The following ACTN4 variants were observed in gnomAD, a reference collection of about 807,000 sequenced individuals.
The protein encoded by ACTN4 is alpha-actinin-4.
A neutral mutation model predicts 114.2 loss-of-function variants in ACTN4; 18 were observed. The ratio of observed to expected loss-of-function variants is 0.16; its 90% confidence interval spans 0.11 to 0.23. ACTN4 has a LOEUF of 0.23. Among genes scored for constraint, ACTN4 ranks in the 10% least tolerant of loss-of-function variants. The pLI, the probability that ACTN4 is intolerant of heterozygous loss-of-function variation, is 1.00. For missense variants in ACTN4, 722 were observed against 1,262.9 expected (o/e 0.57, Z 6.49); for synonymous variants, 515 against 506.3 (o/e 1.02, Z -0.23).
chr19:38,706,512 C>G (rs965046059), intron 5 of ACTN4, among the ~76,000 whole-genome samples: 1 of 152,218 alleles, frequency 6.6e-6, no homozygotes, highest in Non-Finnish European at 1.5e-5. Flanking sequence ...GGCCTAGGCT[C>G]AAGTGATCCT....
At chr19:38,661,903 C>G (rs892779890) in intron 1 of ACTN4, among the ~76,000 whole-genome samples, 1 of 152,186 alleles carries the variant, frequency 6.6e-6, no homozygotes, top group Non-Finnish European at 1.5e-5. Flanking sequence ...CCGCCCGCCT[C>G]GGCTTCCCAA....
At chr19:38,711,471 C>T (rs566622198) in intron 8 of ACTN4, 29 of 437,950 alleles carry the variant, frequency 6.6e-5, no homozygotes, top group African/African-American at 3.7e-4. Flanking sequence ...GGCCGTGGGC[C>T]GCCACACCAC....
In ACTN4 at chr19:38,661,225, G is replaced by A. The variant is rs138984447; in HGVS notation, c.162+13318G>A. ...AACCTCATGCTTCCAGGACTCTGGC[G>A]CTCCTACCCTTTCCTCCCAGGCCTC... On this transcript the variant is annotated intron_variant, in intron 1 of 20. Transcript: ENST00000252699. Among the ~76,000 whole-genome samples, 367 of 152,260 alleles carry A rather than the reference G, an allele frequency of 2.4e-3. 2 individuals carry two copies. The highest frequency in any genetic ancestry group is 8.4e-3 in the African/African-American group (347 of 41,538).
At position 38,708,350 on chromosome 19, in the gene ACTN4, G is replaced by A. The variant is rs191023756; in HGVS notation, c.651+155G>A. Among the ~76,000 whole-genome samples, 202 of 152,178 alleles carry A rather than the reference G, an allele frequency of 1.3e-3. 4 individuals carry two copies. In the South Asian group the frequency reaches 0.027, roughly 20 times the overall value. ...TGGGAGAGCCTTGTGCAGGCTCTCCGCAACCCCTGGCTCGGTGGCTGACTC... is the reference window on the plus strand; with the variant it reads ...TGGGAGAGCCTTGTGCAGGCTCTCCACAACCCCTGGCTCGGTGGCTGACTC... On this transcript the variant is annotated intron_variant, in intron 6 of 20. Transcript: ENST00000252699.
rs1421815470 is a variant in ACTN4, at chr19:38,727,924, TGCCTTCGGATG to T, written c.2338-18_2338-8del. The T allele has an allele frequency of 6.2e-7, 1 of 1,611,420 alleles. No homozygotes were observed. Among genetic ancestry groups the T allele is most frequent in the African/African-American group, 1.3e-5 (1 of 74,982 alleles). ...CTCCACGCCGCCCCTCCCGCACACC[TGCCTTCGGATG>T]GCCCCGGCAGGATCATGGCGGGGCG... On this transcript the variant is annotated splice_polypyrimidine_tract_variant and intron_variant, in intron 18 of 20. Transcript: ENST00000252699. This position sits in a 1 kb window ranked among gnomAD's most constrained non-coding sequence, Gnocchi z 5.4.
rs2306197 is a variant in ACTN4, at chr19:38,721,760, C to T, written c.1442+72C>T. The T allele has an allele frequency of 0.015, 24,457 of 1,591,890 alleles. 1,459 individuals are homozygous for T. The highest frequency in any genetic ancestry group is 0.13 in the South Asian group (12,056 of 89,954). ...CCTGCCCAGACTGGTGGCGGCAGCA[C>T]GCCGAGGCCCAGCCTGCCTCAAGGC... On this transcript the variant is annotated intron_variant, in intron 12 of 20. Coordinates refer to ENST00000252699, the MANE Select transcript of ACTN4 (RefSeq NM_004924.6).
Position 38,675,195 on chromosome 19 carries a change from C to T in ACTN4, c.163-25405C>T, listed in dbSNP as rs183028352. ...AGCACAAACTAGATATTTTTGAAATCGGAGGTCTGAAACCAGCCGAAGAAT... is the reference window on the plus strand; with the variant it reads ...AGCACAAACTAGATATTTTTGAAATTGGAGGTCTGAAACCAGCCGAAGAAT... On this transcript the variant is annotated intron_variant, in intron 1 of 20. Transcript: ENST00000252699. Among the ~76,000 whole-genome samples, 331 of 152,264 alleles carry T rather than the reference C, an allele frequency of 2.2e-3. 2 individuals carry two copies. The highest frequency in any genetic ancestry group is 7.4e-3 in the African/African-American group (307 of 41,540).
At chr19:38,713,951 A>G (rs1968752728) in intron 8 of ACTN4, among the ~76,000 whole-genome samples, 1 of 152,072 alleles carries the variant, frequency 6.6e-6, no homozygotes, top group South Asian at 2.1e-4. Flanking sequence ...ACGGATGGTG[A>G]CTTCTGTCCT....
chr19:38,681,917 G>A (rs941436051), intron 1 of ACTN4, among the ~76,000 whole-genome samples: 1 of 152,126 alleles, frequency 6.6e-6, no homozygotes, highest in African/African-American at 2.4e-5. Context: ...TGCAGCCTCC[G>A]CCTCCTGGGT....
intron 1 of ACTN4, among the ~76,000 whole-genome samples, chr19:38,659,285 C>T (rs1488542811): frequency 6.6e-6 from 1 of 151,668 alleles, no homozygotes; most frequent in Admixed American, 6.6e-5. Flanking sequence ...GGTCTTGAAC[C>T]CTTGACCTCG....
chr19:38,681,926 G>A (rs1365445454), intron 1 of ACTN4, among the ~76,000 whole-genome samples: 2 of 152,174 alleles, frequency 1.3e-5, no homozygotes, highest in African/African-American at 4.8e-5. Context: ...CGCCTCCTGG[G>A]TTCAAGGGAT....
intron 8 of ACTN4, 85 bp from the exon 9 acceptor site, chr19:38,714,384 T>A: frequency 7.8e-7 from 1 of 1,276,298 alleles, no homozygotes; most frequent in Non-Finnish European, 1.1e-6. Flanking sequence ...CCGTGGGCCA[T>A]GGACCAGCTG....
chr19:38,673,239 G>A (rs190691535), intron 1 of ACTN4, among the ~76,000 whole-genome samples: 133 of 151,352 alleles, frequency 8.8e-4, no homozygotes, highest in African/African-American at 2.9e-3. Context: ...CACCACACCC[G>A]GCCTATTCAT....
intron 1 of ACTN4, among the ~76,000 whole-genome samples, chr19:38,684,533 T>A (rs1429030648): frequency 6.6e-6 from 1 of 152,192 alleles, no homozygotes; most frequent in African/African-American, 2.4e-5. Context: ...TCCTTTGACG[T>A]CATACCCACA....
At chr19:38,661,203 C>T (rs926414263) in intron 1 of ACTN4, among the ~76,000 whole-genome samples, 1 of 152,208 alleles carries the variant, frequency 6.6e-6, no homozygotes, top group Non-Finnish European at 1.5e-5. Context: ...GGTCAGGAAC[C>T]TCATGCTTCC....
chr19:38,698,574 C>T lies in ACTN4; in HGVS notation c.163-2026C>T, dbSNP rs569448777. On this transcript the variant is annotated intron_variant, in intron 1 of 20. Transcript: ENST00000252699. ...GAGGCTGTCTGAGGCAGAACCGGGT[C>T]AGGGAGGCCATGGTGCGGGTACCCT... Among the ~76,000 whole-genome samples the T allele has an allele frequency of 7.9e-5, 12 of 152,306 alleles. No homozygotes were observed. The South Asian group carries it at 2.5e-3, about 32-fold the overall frequency.
intron 1 of ACTN4, among the ~76,000 whole-genome samples, chr19:38,684,249 T>C (rs914074672): frequency 7.9e-5 from 12 of 152,160 alleles, no homozygotes; most frequent in Non-Finnish European, 8.8e-5. Flanking sequence ...CCCCACCCAG[T>C]CATAAAAATG....
At chr19:38,679,622 C>T (rs543012689) in intron 1 of ACTN4, among the ~76,000 whole-genome samples, 2 of 145,246 alleles carry the variant, frequency 1.4e-5, no homozygotes, top group Non-Finnish European at 3.0e-5. Context: ...GACAGGGTCT[C>T]GCCCTGTCAC....
At chr19:38,689,101 G>A (rs1967838958) in intron 1 of ACTN4, among the ~76,000 whole-genome samples, 1 of 152,048 alleles carries the variant, frequency 6.6e-6, no homozygotes, top group African/African-American at 2.4e-5. Context: ...CAAGGCAGTT[G>A]AAAACATGTC....
Sources: gnomAD v4.1 joint callset for allele counts (sites outside exome capture counted in the v4.1 genomes callset) on GRCh38, gnomAD v4.1.1 for gene constraint, Gnocchi (gnomAD v3.1) non-coding constraint, MANE v1.5 for transcripts, NCBI Gene and HGNC (gene_info 2026-07-23, HGNC 2026-07-21) for gene names.